LIMK2: variants seen among roughly 807,000 people sequenced by gnomAD.
LIMK2 encodes LIM domain kinase 2.
A neutral mutation model predicts 75.7 loss-of-function variants in LIMK2; 35 were observed. The ratio of observed to expected loss-of-function variants is 0.46; its 90% CI spans 0.35 to 0.61. LIMK2 has a LOEUF of 0.61. LIMK2 is among the 20% of genes least tolerant of loss of function. The probability of loss-of-function intolerance (pLI) is 0.00; values close to 1 mark genes in which losing one functional copy is unlikely to be tolerated. For missense variants in LIMK2, 623 were observed against 831.0 expected (o/e 0.75, Z 3.08); for synonymous variants, 301 against 319.2 (o/e 0.94, Z 0.61).
Position 31,267,070 on chromosome 22 carries a change from G to C in LIMK2, c.1128G>C (p.Glu376Asp). 1 of 1,590,466 alleles carries C rather than the reference G, an allele frequency of 6.3e-7. No homozygotes were observed. The highest frequency in any genetic ancestry group is 8.6e-7 in the Non-Finnish European group (1 of 1,162,056). ...AGACCCAGAAAACTTTTCTGACTGA[G>C]GTAAGAAGATGGAGGGGGCCCGGGA... ...DEETQKTFLTEVKVMRSLDHP... is the reference protein window; with the variant it reads ...DEETQKTFLTDVKVMRSLDHP... Residue 376 changes from glutamate to aspartate, a missense_variant and splice_region_variant, in exon 9 of 16, where the codon GAG becomes GAC. Around this residue, in one of 3 missense-constraint regions of LIMK2, gnomAD observed 514 missense variants for 661.3 expected, o/e 0.78. Transcript: ENST00000331728.
intron 2 of LIMK2, among the ~76,000 whole-genome samples, chr22:31,250,135 T>A (rs1008534995): frequency 7.2e-5 from 11 of 152,184 alleles, no homozygotes; most frequent in African/African-American, 2.7e-4. Flanking sequence ...CCTGACTTGT[T>A]GAAGGTGTGG....
At chr22:31,271,342 C>T in intron 12 of LIMK2, 141 bp downstream of exon 12, 1 of 715,662 alleles carries the variant, frequency 1.4e-6, no homozygotes, top group Non-Finnish European at 2.5e-6. Flanking sequence ...CCTGCTTCTT[C>T]CAATGCCCTT....
At chr22:31,278,266 C>T in intron 15 of LIMK2, 31 bp from the exon 16 acceptor site, 1 of 1,591,498 alleles carries the variant, frequency 6.3e-7, no homozygotes, top group Non-Finnish European at 8.6e-7. Context: ...TCATGTTCCA[C>T]CTGCCTCTAA....
intron 5 of LIMK2, among the ~76,000 whole-genome samples, chr22:31,261,912 A>G (rs553002465): frequency 3.9e-5 from 6 of 152,210 alleles, no homozygotes; most frequent in Non-Finnish European, 8.8e-5. Context: ...CCAGATTGGG[A>G]AGATGATGTT....
At chr22:31,219,818 C>G (rs575498139) in intron 1 of LIMK2, among the ~76,000 whole-genome samples, 3 of 152,202 alleles carry the variant, frequency 2.0e-5, no homozygotes, top group Non-Finnish European at 1.5e-5. Flanking sequence ...GTGATCCACC[C>G]GCCTCGGCCT....
chr22:31,268,300 G>A (rs1289529056), intron 11 of LIMK2, 100 bp downstream of exon 11: 3 of 952,466 alleles, frequency 3.1e-6, no homozygotes, highest in East Asian at 2.4e-5. Context: ...TATGCAACTT[G>A]TGTGGGCTGG....
chr22:31,225,166 T>G (rs1266388506), intron 1 of LIMK2, among the ~76,000 whole-genome samples: 1 of 150,680 alleles, frequency 6.6e-6, no homozygotes, highest in Non-Finnish European at 1.5e-5. Context: ...AATTGGCCCC[T>G]GGTGCCAAAA....
chr22:31,237,762 G>A (rs1301309296), intron 2 of LIMK2, among the ~76,000 whole-genome samples: 2 of 151,960 alleles, frequency 1.3e-5, no homozygotes, highest in South Asian at 2.1e-4. Context: ...GGTGATTGTC[G>A]CACATATCTA....
chr22:31,262,014 C>G lies in LIMK2; in HGVS notation c.552-120C>G. The stretch of plus-strand genomic sequence containing the variant: ...AGGTGTTGCCTTTCTGTGTGGGTAT[C>G]CTGGGCCCCTTAGGGGCCACTGGTG... On this transcript the variant is annotated intron_variant, in intron 5 of 15. Transcript: ENST00000331728. This position sits in a 1 kb window ranked among gnomAD's most constrained non-coding sequence, Gnocchi z 5.0. The G allele has an allele frequency of 2.7e-6, 2 of 752,948 alleles. No individual in the cohort carries two copies. Among genetic ancestry groups the G allele is most frequent in the Admixed American group, 4.1e-5 (2 of 49,240 alleles). 46.6% of individuals were successfully genotyped at this position (752,948 alleles called of 1,614,324 possible).
In LIMK2 at chr22:31,262,719, G is replaced by A. The variant is rs1368662581; in HGVS notation, c.782G>A (p.Gly261Glu). Residue 261 changes from glycine to glutamate, a missense_variant, in exon 7 of 16, where the codon GGA becomes GAA. By Grantham distance (98) the Gly-to-Glu change is moderately conservative. Around this residue, in one of 3 missense-constraint regions of LIMK2, gnomAD observed 514 missense variants for 661.3 expected, o/e 0.78. Transcript: ENST00000331728. This position sits in a 1 kb window ranked among gnomAD's most constrained non-coding sequence, Gnocchi z 5.0. ...CTCGCTCCTCACATGCAGAATGCCG[G>A]ACACCCCCACGCCCTCAGCACCCTG... Reference protein sequence around the residue: ...ARLAPHMQNAGHPHALSTLDT... With the variant: ...ARLAPHMQNAEHPHALSTLDT... 1 of 1,614,174 alleles carries A rather than the reference G, an allele frequency of 6.2e-7. No homozygotes were observed.
rs1440445912 is a variant in LIMK2 at position 31,275,163 on chromosome 22, G to A, written c.1627G>A (p.Val543Met). Reference protein sequence around the residue: ...GIVLCEIIGQVYADPDCLPRT... With the variant: ...GIVLCEIIGQMYADPDCLPRT... ...TCTTACCCTACAGATCATTGGGCAG[G>A]TGTATGCAGATCCTGACTGCCTTCC... Residue 543 changes from valine (V) to methionine (M), a missense_variant, in exon 15 of 16, where the codon GTG becomes ATG. Physicochemically the swap from Val to Met is conservative, Grantham distance 21. Coordinates refer to ENST00000331728, the MANE Select transcript of LIMK2 (RefSeq NM_005569.4). 14 of 1,614,068 alleles carry A rather than the reference G, an allele frequency of 8.7e-6. No homozygotes were observed. The highest frequency in any genetic ancestry group is 1.1e-5 in the South Asian group (1 of 91,084).
chr22:31,276,735 GC>G, intron 15 of LIMK2: 3 of 1,516,024 alleles, frequency 2.0e-6, no homozygotes, highest in Non-Finnish European at 8.8e-7. Context: ...GGCGGCCCCG[GC>G]CCCGGCCCCC....
chr22:31,249,680 T>C (rs773770928), intron 2 of LIMK2, among the ~76,000 whole-genome samples: 1 of 152,160 alleles, frequency 6.6e-6, no homozygotes, highest in East Asian at 1.9e-4. Context: ...CTGGTCGACT[T>C]TTCCCTTCTG....
intron 7 of LIMK2, among the ~76,000 whole-genome samples, chr22:31,264,797 G>A (rs920782532): frequency 1.1e-4 from 16 of 151,950 alleles, no homozygotes; most frequent in South Asian, 2.1e-4. Context: ...AGTGGCTCAC[G>A]CCTATAATCC....
chr22:31,271,373 G>A (rs908229542), intron 12 of LIMK2, among the ~76,000 whole-genome samples, 172 bp downstream of exon 12: 3 of 151,988 alleles, frequency 2.0e-5, no homozygotes, highest in Non-Finnish European at 4.4e-5. Context: ...TGGGAGCTCC[G>A]AGACACACAC....
intron 15 of LIMK2, chr22:31,275,809 T>C (rs2123869265): frequency 6.5e-6 from 1 of 153,660 alleles, no homozygotes; most frequent in South Asian, 2.0e-4. Flanking sequence ...GGTATTTAAC[T>C]ACAGTGAGCA....
intron 2 of LIMK2, among the ~76,000 whole-genome samples, chr22:31,239,397 A>G (rs2048605756): frequency 6.6e-6 from 1 of 152,196 alleles, no homozygotes; most frequent in African/African-American, 2.4e-5. Context: ...TGCTGCCCAT[A>G]TGTGCCATGC....
intron 2 of LIMK2, among the ~76,000 whole-genome samples, chr22:31,249,992 G>T (rs575424772): frequency 2.6e-5 from 4 of 152,246 alleles, no homozygotes; most frequent in African/African-American, 7.2e-5. Flanking sequence ...AGCCTCACTG[G>T]GCAGCTTTTT....
intron 1 of LIMK2, among the ~76,000 whole-genome samples, chr22:31,215,083 C>G (rs909962550): frequency 6.6e-6 from 1 of 152,234 alleles, no homozygotes; most frequent in Non-Finnish European, 1.5e-5. Flanking sequence ...AGGCGTGAGC[C>G]ACCATGCCCA....
Sources: allele counts gnomAD v4.1 joint callset (sites outside exome capture counted in the v4.1 genomes callset), GRCh38; gene constraint gnomAD v4.1.1; regional missense constraint gnomAD v4.1.1; non-coding constraint Gnocchi (gnomAD v3.1); transcripts MANE v1.5; gene names NCBI Gene and HGNC (gene_info 2026-07-23, HGNC 2026-07-21).